The following ZFHX3 variants were observed in gnomAD, a reference collection of about 807,000 sequenced individuals.
ZFHX3 encodes zinc finger homeobox protein 3.
Under a neutral mutation model 279.1 loss-of-function variants are expected in ZFHX3, and 42 were observed. That is an observed-to-expected ratio of 0.15 (90% confidence interval 0.12 to 0.19). The LOEUF (loss-of-function observed/expected upper bound fraction) is 0.19. ZFHX3 is among the 10% of genes least tolerant of loss of function. The pLI, the probability that ZFHX3 is intolerant of heterozygous loss-of-function variation, is 1.00. For synonymous variants in ZFHX3, 2,293 were observed against 1,957.8 expected (o/e 1.17, Z -4.52); for missense variants, 4,981 against 4,754.0 (o/e 1.05, Z -1.40).
intron 4 of ZFHX3, among the ~76,000 whole-genome samples, chr16:73,297,439 A>T (rs2014943156): frequency 6.6e-6 from 1 of 152,076 alleles, no homozygotes; most frequent in African/African-American, 2.4e-5. Flanking sequence ...TGGACACAGT[A>T]GGAGCCCTAC....
chr16:73,698,792 T>G (rs1439445441), intron 1 of ZFHX3, among the ~76,000 whole-genome samples: 1 of 152,192 alleles, frequency 6.6e-6, no homozygotes, highest in Non-Finnish European at 1.5e-5. Flanking sequence ...GACAACTTAA[T>G]GCAACGTAGG....
intron 3 of ZFHX3, among the ~76,000 whole-genome samples, chr16:73,320,215 C>T (rs996194279): frequency 6.6e-6 from 1 of 152,126 alleles, no homozygotes; most frequent in African/African-American, 2.4e-5. Context: ...TGGAATTCAT[C>T]GTTCAAATCA....
chr16:72,798,984 T>C (rs1291278890), intron 8 of ZFHX3, among the ~76,000 whole-genome samples: 1 of 152,262 alleles, frequency 6.6e-6, no homozygotes. Context: ...CCATGTCATA[T>C]CACAGATCTA....
intron 1 of ZFHX3, among the ~76,000 whole-genome samples, chr16:73,861,663 T>C (rs1961884430): frequency 6.6e-6 from 1 of 152,170 alleles, no homozygotes; most frequent in South Asian, 2.1e-4. Flanking sequence ...AAATCTGAAT[T>C]GCCGTGACTC....
chr16:73,401,406 A>ACACACACACACACACACACACACC (rs374561909), intron 3 of ZFHX3: 4 of 149,366 alleles, frequency 2.7e-5, no homozygotes, highest in Admixed American at 1.3e-4. Flanking sequence ...ACACACACAC[A>ACACACACACACACACACACACACC]CCTCAAAAGC....
chr16:73,106,890 TC>T (rs1966312453), intron 7 of ZFHX3, among the ~76,000 whole-genome samples: 2 of 152,158 alleles, frequency 1.3e-5, no homozygotes, highest in South Asian at 4.1e-4. Context: ...GACAAATGGG[TC>T]CGGACACTGC....
At chr16:73,569,521 C>G (rs1360774717) in intron 2 of ZFHX3, among the ~76,000 whole-genome samples, 1 of 151,648 alleles carries the variant, frequency 6.6e-6, no homozygotes, top group Non-Finnish European at 1.5e-5. Context: ...ATTTCCAATC[C>G]AAGCTTTGAT....
intron 2 of ZFHX3, among the ~76,000 whole-genome samples, chr16:73,619,215 G>A (rs1567534593): frequency 6.6e-6 from 1 of 152,108 alleles, no homozygotes; most frequent in Non-Finnish European, 1.5e-5. Context: ...GTGGCCGGGT[G>A]CGGTGGCTCA....
At chr16:73,570,637 A>G (rs923099502) in intron 2 of ZFHX3, among the ~76,000 whole-genome samples, 5 of 152,300 alleles carry the variant, frequency 3.3e-5, no homozygotes, top group Admixed American at 1.3e-4. Context: ...CATGAGCTTG[A>G]TCTTTCTATA....
intron 1 of ZFHX3, among the ~76,000 whole-genome samples, chr16:73,783,771 C>T (rs1959549742): frequency 6.6e-6 from 1 of 152,186 alleles, no homozygotes; most frequent in Non-Finnish European, 1.5e-5. Context: ...ATAGTTACTA[C>T]TATCATCCCA....
chr16:73,316,948 A>G (rs2015462935), intron 4 of ZFHX3, among the ~76,000 whole-genome samples: 1 of 152,102 alleles, frequency 6.6e-6, no homozygotes, highest in South Asian at 2.1e-4. Flanking sequence ...CCCTTTTGTG[A>G]GATGTGTAAA....
chr16:73,727,273 A>T (rs1482635032), intron 1 of ZFHX3, among the ~76,000 whole-genome samples: 2 of 152,192 alleles, frequency 1.3e-5, no homozygotes, highest in African/African-American at 4.8e-5. Context: ...GCCTCCAGAG[A>T]CAGCAGGCAT....
At chr16:73,631,927 TCACACACACACACA>T (rs60955432) in intron 2 of ZFHX3, among the ~76,000 whole-genome samples, 72 of 136,748 alleles carry the variant, frequency 5.3e-4, no homozygotes, top group South Asian at 7.0e-4. Flanking sequence ...TCTCTCTCTC[TCACACACACACACA>T]CACACACACA....
intron 2 of ZFHX3, among the ~76,000 whole-genome samples, chr16:73,463,772 C>T (rs2018513507): frequency 6.6e-6 from 1 of 152,172 alleles, no homozygotes; most frequent in Non-Finnish European, 1.5e-5. Flanking sequence ...AGGGAGGTGG[C>T]TGGACGGATA....
intron 2 of ZFHX3, among the ~76,000 whole-genome samples, chr16:73,478,973 A>G (rs1597351317): frequency 6.6e-6 from 1 of 152,056 alleles, no homozygotes; most frequent in South Asian, 2.1e-4. Flanking sequence ...AATTGCTTGA[A>G]CCCGGGAGGC....
At chr16:73,535,992 G>T (rs1203556247) in intron 2 of ZFHX3, among the ~76,000 whole-genome samples, 1 of 152,056 alleles carries the variant, frequency 6.6e-6, no homozygotes, top group Non-Finnish European at 1.5e-5. Context: ...AAAGTGCTGG[G>T]ATTACAGGTG....
rs534400771 is a variant in ZFHX3 at position 73,404,990 on chromosome 16, CG to C, written c.-1291+51012del. Among the ~76,000 whole-genome samples, 11 of 152,274 alleles carry C rather than the reference CG, an allele frequency of 7.2e-5. No homozygotes were observed. In the East Asian group the frequency reaches 2.1e-3, roughly 29 times the overall value. On this transcript the variant is annotated intron_variant, in intron 3 of 17. Transcript: ENST00000641206. ...CACATCATCCTTAGACCATTTGCAA[CG>C]GTCCAAGGTGGCAGAGAAATCACTT...
intron 2 of ZFHX3, among the ~76,000 whole-genome samples, chr16:73,501,878 G>A (rs997655402): frequency 6.6e-6 from 1 of 152,158 alleles, no homozygotes; most frequent in African/African-American, 2.4e-5. Context: ...AGGGGGTGAG[G>A]AGCCGACAGT....
intron 1 of ZFHX3, among the ~76,000 whole-genome samples, chr16:73,028,544 C>T (rs1964590342): frequency 1.3e-5 from 2 of 152,228 alleles, no homozygotes; most frequent in African/African-American, 2.4e-5. Flanking sequence ...GCCTTGGCCA[C>T]ACCCAAGGGT....
Sources: gnomAD v4.1 joint callset for allele counts (sites outside exome capture counted in the v4.1 genomes callset) on GRCh38, gnomAD v4.1.1 for gene constraint, MANE v1.5 for transcripts, NCBI Gene and HGNC (gene_info 2026-07-23, HGNC 2026-07-21) for gene names.